The following RFX4 variants were observed in gnomAD, a reference collection of about 807,000 sequenced individuals.
RFX4 encodes regulatory factor X4.
Under a neutral mutation model 95.0 loss-of-function variants are expected in RFX4, and 10 were observed. The ratio of observed to expected loss-of-function variants is 0.11; its 90% CI spans 0.06 to 0.18. RFX4 has a LOEUF of 0.18. Ranked by LOEUF, RFX4 falls within the 10% of genes least tolerant of loss-of-function variation. The pLI is 1.00. For synonymous variants in RFX4, 321 were observed against 340.7 expected (o/e 0.94, Z 0.64); for missense variants, 640 against 922.0 (o/e 0.69, Z 3.96).
At chr12:106,758,702 T>C (rs2043154917) in intron 17 of RFX4, among the ~76,000 whole-genome samples, 1 of 152,210 alleles carries the variant, frequency 6.6e-6, no homozygotes, top group African/African-American at 2.4e-5. Context: ...TAAAGTCTAA[T>C]GGGCTGGCCT....
intron 4 of RFX4, among the ~76,000 whole-genome samples, chr12:106,660,038 T>C (rs1263625872): frequency 4.6e-5 from 7 of 152,126 alleles, no homozygotes; most frequent in South Asian, 2.1e-4. Context: ...TCTTCCCAGC[T>C]GGGGTGTTCT....
At chr12:106,670,049 G>A (rs1184734494) in intron 4 of RFX4, among the ~76,000 whole-genome samples, 1 of 152,084 alleles carries the variant, frequency 6.6e-6, no homozygotes, top group Non-Finnish European at 1.5e-5. Context: ...GAGAACTGTT[G>A]CGATAATGAC....
intron 15 of RFX4, among the ~76,000 whole-genome samples, chr12:106,739,248 T>G (rs952313446): frequency 1.3e-5 from 2 of 152,226 alleles, no homozygotes; most frequent in African/African-American, 4.8e-5. Context: ...GTTATTTTTT[T>G]GGGTTTCCAG....
chr12:106,682,097 T>C (rs2041526591), intron 5 of RFX4, 43 bp downstream of exon 5: 2 of 1,603,326 alleles, frequency 1.2e-6, no homozygotes, highest in Non-Finnish European at 1.7e-6. Flanking sequence ...CGCACATCTA[T>C]GGGCCTCGAG....
At chr12:106,711,980 T>C (rs868221868) in intron 10 of RFX4, among the ~76,000 whole-genome samples, 2 of 152,226 alleles carry the variant, frequency 1.3e-5, no homozygotes, top group Non-Finnish European at 2.9e-5. Flanking sequence ...GTGTAGTAAG[T>C]AAAAGTGGAA....
intron 14 of RFX4, among the ~76,000 whole-genome samples, chr12:106,732,515 A>G (rs1243523425): frequency 6.6e-6 from 1 of 152,110 alleles, no homozygotes; most frequent in African/African-American, 2.4e-5. Flanking sequence ...CCTAGTCAAT[A>G]TGGCAAAACC....
At chr12:106,645,950 G>A in intron 3 of RFX4, 1 of 1,289,094 alleles carries the variant, frequency 7.8e-7, no homozygotes, top group South Asian at 1.2e-5. Flanking sequence ...AGTTAAGCTG[G>A]ACAACCCAAT....
chr12:106,682,135 T>C lies in RFX4; in HGVS notation c.377+81T>C, dbSNP rs539732370. ...AGGCCACACCCTTGGCTCTTTATCC[T>C]GAGCTCTGTCTGCAGGCCTGGCAGA... On this transcript the variant is annotated intron_variant, in intron 5 of 17. Transcript: ENST00000392842. 7.2e-5 allele frequency: 103 copies of C among 1,434,416 alleles called. 1 individual carries two copies. The South Asian group carries it at 1.2e-3, about 16-fold the overall frequency. The allele number at this position is 1,434,416 out of a possible 1,614,324, so 88.9% of individuals were successfully genotyped here.
At chr12:106,614,358 G>A (rs1422832279) in intron 2 of RFX4, among the ~76,000 whole-genome samples, 2 of 150,976 alleles carry the variant, frequency 1.3e-5, no homozygotes, top group Non-Finnish European at 2.9e-5. Flanking sequence ...ACTGGGTTTC[G>A]GCATATTGGC....
At chr12:106,604,670 T>G (rs1417714571) in intron 1 of RFX4, among the ~76,000 whole-genome samples, 1 of 152,050 alleles carries the variant, frequency 6.6e-6, no homozygotes, top group Non-Finnish European at 1.5e-5. Flanking sequence ...ACAGGAAAAA[T>G]TTTATAACAG....
At chr12:106,626,725 G>T (rs1173511964) in intron 2 of RFX4, among the ~76,000 whole-genome samples, 1 of 152,186 alleles carries the variant, frequency 6.6e-6, no homozygotes, top group East Asian at 1.9e-4. Flanking sequence ...AAACTGGGAG[G>T]ATAGGATGGG....
chr12:106,709,824 C>A (rs959147621), intron 9 of RFX4, among the ~76,000 whole-genome samples: 3 of 152,108 alleles, frequency 2.0e-5, no homozygotes, highest in African/African-American at 7.2e-5. Context: ...AGAGAGTTCC[C>A]CCAAAGCCAC....
At chr12:106,707,146 A>G (rs1257041038) in intron 8 of RFX4, among the ~76,000 whole-genome samples, 1 of 152,144 alleles carries the variant, frequency 6.6e-6, no homozygotes, top group Non-Finnish European at 1.5e-5. Context: ...TTATTATACT[A>G]CCTGTCTTGG....
intron 1 of RFX4, among the ~76,000 whole-genome samples, chr12:106,602,256 C>T (rs2039727681): frequency 6.6e-6 from 1 of 152,214 alleles, no homozygotes; most frequent in South Asian, 2.1e-4. Flanking sequence ...GGAGGTTACT[C>T]AATAAATGCC....
At chr12:106,668,892 TG>T (rs1256226310) in intron 4 of RFX4, among the ~76,000 whole-genome samples, 1 of 152,246 alleles carries the variant, frequency 6.6e-6, no homozygotes, top group East Asian at 1.9e-4. Context: ...AGGAAAAGGC[TG>T]GCTTATGGAT....
At chr12:106,662,519 C>T (rs1264475276) in intron 4 of RFX4, among the ~76,000 whole-genome samples, 2 of 152,138 alleles carry the variant, frequency 1.3e-5, no homozygotes, top group Middle Eastern at 3.2e-3. Context: ...CTTATCTTCT[C>T]ATTCTCTTGA....
At chr12:106,627,741 C>T (rs752970662) in intron 2 of RFX4, among the ~76,000 whole-genome samples, 3 of 152,094 alleles carry the variant, frequency 2.0e-5, no homozygotes, top group East Asian at 1.9e-4. Context: ...CTAAAAAAGA[C>T]GGAAGGAACT....
At chr12:106,694,880 T>C (rs946514558) in intron 7 of RFX4, among the ~76,000 whole-genome samples, 1 of 151,772 alleles carries the variant, frequency 6.6e-6, no homozygotes, top group Non-Finnish European at 1.5e-5. Flanking sequence ...ACTTAAAAAA[T>C]ACAAATATTC....
chr12:106,642,135 C>T (rs1319688249), intron 3 of RFX4, among the ~76,000 whole-genome samples: 3 of 151,764 alleles, frequency 2.0e-5, no homozygotes, highest in African/African-American at 4.8e-5. Flanking sequence ...TTCAGCCTGC[C>T]GAGTAGCTGG....
Sources: allele counts gnomAD v4.1 joint callset (sites outside exome capture counted in the v4.1 genomes callset), GRCh38; gene constraint gnomAD v4.1.1; transcripts MANE v1.5; gene names NCBI Gene and HGNC (gene_info 2026-07-23, HGNC 2026-07-21).